Variants in ROR1 observed in about 807,000 individuals in gnomAD.
ROR1 encodes the protein inactive tyrosine-protein kinase transmembrane receptor ROR1.
A neutral mutation model predicts 78.8 loss-of-function variants in ROR1; 19 were observed. The observed-to-expected ratio is 0.24, with a 90% CI of 0.17 to 0.35. The LOEUF is 0.35. Among genes scored for constraint, ROR1 ranks in the 10% least tolerant of loss-of-function variants. The pLI, the probability that ROR1 is intolerant of heterozygous loss-of-function variation, is 1.00. For synonymous variants in ROR1, 386 were observed against 433.6 expected (o/e 0.89, Z 1.36); for missense variants, 917 against 1,177.8 (o/e 0.78, Z 3.24).
intron 1 of ROR1, among the ~76,000 whole-genome samples, chr1:63,939,735 A>G (rs1645821468): frequency 6.6e-6 from 1 of 152,182 alleles, no homozygotes; most frequent in Non-Finnish European, 1.5e-5. Flanking sequence ...CAAAGATTAG[A>G]AAGAATGTCC....
intron 1 of ROR1, among the ~76,000 whole-genome samples, chr1:63,834,851 T>C (rs1447204857): frequency 6.6e-6 from 1 of 152,088 alleles, no homozygotes. Context: ...GGAATTGGTC[T>C]GCACTGCCAT....
intron 4 of ROR1, among the ~76,000 whole-genome samples, chr1:64,072,967 T>C (rs1031863902): frequency 6.6e-6 from 1 of 152,106 alleles, no homozygotes; most frequent in Admixed American, 6.5e-5. Flanking sequence ...GTAGTTGTGA[T>C]GAAAAAACAA....
chr1:63,945,705 T>A (rs1485649636), intron 1 of ROR1, among the ~76,000 whole-genome samples: 1 of 152,244 alleles, frequency 6.6e-6, no homozygotes, highest in Non-Finnish European at 1.5e-5. Flanking sequence ...CCTTGCCTTC[T>A]CTTCTGCATT....
intron 4 of ROR1, among the ~76,000 whole-genome samples, chr1:64,097,575 G>GTATATATATA (rs10632011): frequency 6.0e-5 from 9 of 149,122 alleles, no homozygotes; most frequent in African/African-American, 1.5e-4. Context: ...ATTTCATATA[G>GTATATATATA]TATATATATA....
At position 64,150,841 on chromosome 1, in the gene ROR1, T is replaced by C. The variant is rs116461716; in HGVS notation, c.1175-8140T>C. On this transcript the variant is annotated intron_variant, in intron 7 of 8. Coordinates refer to ENST00000371079, the MANE Select transcript of ROR1 (RefSeq NM_005012.4). ...ATTTTTAACCATAAAATAATTTCTCTCAAAGGTTTTTTTGTTGTTGTTCCT... is the reference window on the plus strand; with the variant it reads ...ATTTTTAACCATAAAATAATTTCTCCCAAAGGTTTTTTTGTTGTTGTTCCT... Among the ~76,000 whole-genome samples the C allele has an allele frequency of 9.5e-3, 1,454 of 152,324 alleles. 20 individuals carry two copies. The highest frequency in any genetic ancestry group is 0.037 in the Middle Eastern group (11 of 294).
intron 4 of ROR1, among the ~76,000 whole-genome samples, chr1:64,132,343 T>A (rs541569742): frequency 1.3e-5 from 2 of 152,332 alleles, no homozygotes; most frequent in East Asian, 3.9e-4. Context: ...TGGACTATTG[T>A]GAATAGTGCT....
chr1:64,177,335 C>T, intron 8 of ROR1, 93 bp from the exon 9 acceptor site: 1 of 924,030 alleles, frequency 1.1e-6, no homozygotes, highest in South Asian at 1.6e-5. Flanking sequence ...GTTTATAGAA[C>T]CTTTTTCTAT....
intron 1 of ROR1, among the ~76,000 whole-genome samples, chr1:63,783,133 C>A (rs937473960): frequency 1.3e-5 from 2 of 152,110 alleles, no homozygotes; most frequent in African/African-American, 4.8e-5. Flanking sequence ...TGAAGCTGAT[C>A]TCCAGGGGAT....
At chr1:64,007,276 G>A (rs1378635536) in intron 1 of ROR1, among the ~76,000 whole-genome samples, 1 of 152,064 alleles carries the variant, frequency 6.6e-6, no homozygotes, top group Non-Finnish European at 1.5e-5. Flanking sequence ...TGCCTACACT[G>A]GATTGAAGTA....
In ROR1 at chr1:64,140,163, T is replaced by A; in HGVS notation, c.665T>A (p.Phe222Tyr). ...SSHLSDKCSQ[F>Y]AIPSLCHYAF... ...CACTTATCTGATAAGTGTTCTCAGT[T>A]CGCCATTCCTTCCCTGTGCCACTAT... The change falls in exon 6 of 9, where the codon TTC (phenylalanine) becomes TAC (tyrosine). Residue 222 changes from phenylalanine (F) to tyrosine (Y), a missense_variant. Transcript: ENST00000371079. 6.2e-7 allele frequency: 1 copy of A among 1,614,162 alleles called. No individual in the cohort carries two copies. Among genetic ancestry groups the A allele is most frequent in the Non-Finnish European group, 8.5e-7 (1 of 1,180,026 alleles).
intron 2 of ROR1, among the ~76,000 whole-genome samples, chr1:64,015,594 G>T (rs903906334): frequency 6.6e-6 from 1 of 152,154 alleles, no homozygotes; most frequent in African/African-American, 2.4e-5. Flanking sequence ...TCAGAATGGG[G>T]TGACTGAGTC....
chr1:63,832,132 A>G (rs538652809), intron 1 of ROR1, among the ~76,000 whole-genome samples: 1 of 152,286 alleles, frequency 6.6e-6, no homozygotes, highest in East Asian at 1.9e-4. Flanking sequence ...TCCATATCAC[A>G]ATGAGCATTT....
In ROR1 at chr1:63,788,931, A is replaced by G. The variant is rs973615238; in HGVS notation, c.91+14423A>G. ...TTTGAACACGTTCCCCTTAACCTTCAGGTACAGGCTGTGATACATGAGGTG... is the reference window on the plus strand; with the variant it reads ...TTTGAACACGTTCCCCTTAACCTTCGGGTACAGGCTGTGATACATGAGGTG... On this transcript the variant is annotated intron_variant, in intron 1 of 8. Coordinates refer to ENST00000371079, the MANE Select transcript of ROR1 (RefSeq NM_005012.4). 10 of 823,766 alleles carry G rather than the reference A, an allele frequency of 1.2e-5. No individual in the cohort carries two copies. In the African/African-American group the frequency reaches 1.7e-4, roughly 14 times the overall value. The allele number at this position is 823,766 out of a possible 1,614,324, so 51.0% of individuals were successfully genotyped here.
chr1:64,169,723 C>T (rs1016766375), intron 8 of ROR1, among the ~76,000 whole-genome samples: 1 of 152,230 alleles, frequency 6.6e-6, no homozygotes, highest in African/African-American at 2.4e-5. Flanking sequence ...CAAGTCCCTT[C>T]TGCCTATGAG....
chr1:64,169,808 C>G (rs530905293), intron 8 of ROR1, among the ~76,000 whole-genome samples: 2 of 152,306 alleles, frequency 1.3e-5, no homozygotes, highest in East Asian at 3.9e-4. Context: ...TACAGCCATT[C>G]CAAATGGGAG....
intron 1 of ROR1, among the ~76,000 whole-genome samples, chr1:63,968,505 A>G (rs1362410420): frequency 6.6e-6 from 1 of 152,078 alleles, no homozygotes; most frequent in Admixed American, 6.5e-5. Flanking sequence ...TTCGTATGAG[A>G]AAAATTATAT....
chr1:63,947,681 T>TG, intron 1 of ROR1, among the ~76,000 whole-genome samples: 1 of 152,188 alleles, frequency 6.6e-6, no homozygotes, highest in Non-Finnish European at 1.5e-5. Context: ...AAGACCTTCC[T>TG]GGGGGCTAAA....
At chr1:64,033,838 G>A (rs1646680045) in intron 2 of ROR1, among the ~76,000 whole-genome samples, 1 of 152,194 alleles carries the variant, frequency 6.6e-6, no homozygotes, top group Non-Finnish European at 1.5e-5. Context: ...TTTAATCCGT[G>A]TAACAGTCTG....
intron 1 of ROR1, among the ~76,000 whole-genome samples, chr1:63,786,342 T>A (rs556212805): frequency 7.3e-6 from 1 of 137,206 alleles, no homozygotes; most frequent in African/African-American, 2.7e-5. Flanking sequence ...GCACAATCTC[T>A]GCTCACTGCA....
Sources: gnomAD v4.1 joint callset for allele counts (sites outside exome capture counted in the v4.1 genomes callset) on GRCh38, gnomAD v4.1.1 for gene constraint, MANE v1.5 for transcripts, NCBI Gene and HGNC (gene_info 2026-07-23, HGNC 2026-07-21) for gene names.